Variants in PDE4D observed in about 807,000 individuals in gnomAD.
PDE4D encodes phosphodiesterase 4D, also known as 3',5'-cyclic-AMP phosphodiesterase 4D.
In PDE4D, 24 loss-of-function variants were observed where a neutral mutation model predicts 87.4. The observed-to-expected ratio is 0.27, with a 90% CI of 0.20 to 0.39. The LOEUF is 0.39. PDE4D is among the 10% of genes least tolerant of loss of function. PDE4D has a pLI of 1.00. For missense variants in PDE4D, 714 were observed against 1,041.0 expected (o/e 0.69, Z 4.32); for synonymous variants, 384 against 383.2 (o/e 1.00, Z -0.02).
At chr5:59,100,782 G>A (rs1051586717) in intron 5 of PDE4D, among the ~76,000 whole-genome samples, 11 of 152,260 alleles carry the variant, frequency 7.2e-5, no homozygotes, top group African/African-American at 1.9e-4. Flanking sequence ...TGTAAAAATT[G>A]TTATATCTCT....
chr5:59,236,986 T>C (rs1049635281), intron 1 of PDE4D, among the ~76,000 whole-genome samples: 1 of 152,186 alleles, frequency 6.6e-6, no homozygotes, highest in African/African-American at 2.4e-5. Flanking sequence ...AATCTTGTCC[T>C]AATTCCCTTC....
intron 5 of PDE4D, chr5:59,157,453 C>A (rs1227559727): frequency 1.5e-5 from 10 of 658,360 alleles, no homozygotes; most frequent in Middle Eastern, 2.4e-4. Flanking sequence ...CTATTGTAAA[C>A]CACTTGAATT....
At chr5:58,993,146 C>A (rs1272718392) in intron 7 of PDE4D, among the ~76,000 whole-genome samples, 1 of 152,074 alleles carries the variant, frequency 6.6e-6, no homozygotes, top group East Asian at 1.9e-4. Context: ...AATCTTAATT[C>A]AAGAATTCCT....
chr5:59,066,328 G>A (rs1166138279), intron 5 of PDE4D, among the ~76,000 whole-genome samples: 2 of 152,124 alleles, frequency 1.3e-5, no homozygotes, highest in African/African-American at 4.8e-5. Context: ...TTTTTGATGT[G>A]TCACAAAAGG....
chr5:59,083,811 G>C (rs1391542642), intron 5 of PDE4D, among the ~76,000 whole-genome samples: 2 of 151,750 alleles, frequency 1.3e-5, no homozygotes, highest in Non-Finnish European at 2.9e-5. Context: ...TTTTTGTTTG[G>C]TTTGGTTTTT....
intron 1 of PDE4D, chr5:59,357,031 C>T (rs886220616): frequency 1.8e-6 from 1 of 571,166 alleles, no homozygotes; most frequent in Non-Finnish European, 2.7e-6. Flanking sequence ...GAAGGGATGG[C>T]CAGGACTTCC....
At chr5:60,469,664 T>C (rs1395159344) in intron 1 of PDE4D, among the ~76,000 whole-genome samples, 1 of 152,162 alleles carries the variant, frequency 6.6e-6, no homozygotes, top group Non-Finnish European at 1.5e-5. Flanking sequence ...TATTTAAAAT[T>C]TTTCATTGTT....
At chr5:59,356,584 G>A (rs913739496) in intron 1 of PDE4D, among the ~76,000 whole-genome samples, 2 of 152,164 alleles carry the variant, frequency 1.3e-5, no homozygotes, top group African/African-American at 2.4e-5. Context: ...ACTTCTGCAC[G>A]TACCTACATA....
At chr5:60,046,521 A>C (rs959617758) in intron 2 of PDE4D, among the ~76,000 whole-genome samples, 2 of 152,110 alleles carry the variant, frequency 1.3e-5, no homozygotes, top group Non-Finnish European at 2.9e-5. Flanking sequence ...GATAGCTCTT[A>C]TTATTTTGAA....
intron 1 of PDE4D, among the ~76,000 whole-genome samples, chr5:59,734,130 C>T (rs1757756346): frequency 1.3e-5 from 2 of 152,040 alleles, no homozygotes; most frequent in South Asian, 4.1e-4. Context: ...CACGCACACC[C>T]AAACACACAT....
intron 1 of PDE4D, among the ~76,000 whole-genome samples, chr5:59,453,440 C>G (rs1178894207): frequency 6.6e-6 from 1 of 152,302 alleles, no homozygotes; most frequent in Admixed American, 6.5e-5. Flanking sequence ...AAAGCTAGGC[C>G]TCTTGTACCA....
In PDE4D at chr5:59,563,862, A is replaced by G. The variant is rs542939860; in HGVS notation, c.455+329306T>C. ...ATGAAAAGATACCAAACATGACAAC[A>G]TAGAAAATGATGGATGCCAAGTGAG... On this transcript the variant is annotated intron_variant, in intron 1 of 14. Transcript: ENST00000340635. Among the ~76,000 whole-genome samples, 156 of 152,362 alleles carry G rather than the reference A, an allele frequency of 1.0e-3. 1 individual carries two copies. Among genetic ancestry groups the G allele is most frequent in the Admixed American group, 1.6e-3 (25 of 15,304 alleles).
intron 1 of PDE4D, among the ~76,000 whole-genome samples, chr5:60,315,834 C>T (rs2149824614): frequency 6.6e-6 from 1 of 151,890 alleles, no homozygotes; most frequent in South Asian, 2.1e-4. Context: ...CTGTTCTGTT[C>T]CATTGGTCTA....
chr5:59,393,308 G>A (rs754359020), intron 1 of PDE4D, among the ~76,000 whole-genome samples: 7 of 152,196 alleles, frequency 4.6e-5, no homozygotes, highest in South Asian at 2.1e-4. Flanking sequence ...TACTGCCTAC[G>A]TAAAGGCACT....
chr5:60,060,061 A>G (rs1771222662), intron 2 of PDE4D, among the ~76,000 whole-genome samples: 1 of 152,080 alleles, frequency 6.6e-6, no homozygotes, highest in South Asian at 2.1e-4. Flanking sequence ...AAATAAAGAT[A>G]AAATAACCCC....
intron 1 of PDE4D, among the ~76,000 whole-genome samples, chr5:59,359,359 G>C (rs1042541042): frequency 6.6e-6 from 1 of 152,126 alleles, no homozygotes; most frequent in African/African-American, 2.4e-5. Context: ...GACACAAGAA[G>C]TGTCTGTCAA....
chr5:59,894,469 G>T (rs1392632955), upstream of PDE4D, among the ~76,000 whole-genome samples: 1 of 152,164 alleles, frequency 6.6e-6, no homozygotes, highest in Admixed American at 6.5e-5. Flanking sequence ...AACATTGTGT[G>T]GCTCTTTCCC....
At chr5:59,204,718 G>T (rs1354693811) in intron 2 of PDE4D, among the ~76,000 whole-genome samples, 1 of 152,194 alleles carries the variant, frequency 6.6e-6, no homozygotes, top group Non-Finnish European at 1.5e-5. Flanking sequence ...CTCACTTTGT[G>T]TTCTAGGAAC....
chr5:59,727,009 C>T (rs1756695801), intron 1 of PDE4D, among the ~76,000 whole-genome samples: 2 of 151,976 alleles, frequency 1.3e-5, no homozygotes, highest in South Asian at 2.1e-4. Flanking sequence ...ATTGAGCCCA[C>T]AGCCCAATAG....
Sources: gnomAD v4.1 joint callset for allele counts (sites outside exome capture counted in the v4.1 genomes callset) on GRCh38, gnomAD v4.1.1 for gene constraint, MANE v1.5 for transcripts, NCBI Gene and HGNC (gene_info 2026-07-23, HGNC 2026-07-21) for gene names.